SNX14: variants seen among roughly 807,000 people sequenced by gnomAD.
The protein encoded by SNX14 is sorting nexin-14.
A neutral mutation model predicts 133.8 loss-of-function variants in SNX14; 93 were observed. That is an observed-to-expected ratio of 0.70 (90% confidence interval 0.59 to 0.83). SNX14 has a LOEUF of 0.83. SNX14 is among the 40% of genes least tolerant of loss of function. The probability of loss-of-function intolerance (pLI) is 0.00; values close to 1 mark genes in which losing one functional copy is unlikely to be tolerated. For missense variants in SNX14, 945 were observed against 1,094.9 expected (o/e 0.86, Z 1.93); for synonymous variants, 368 against 365.6 (o/e 1.01, Z -0.07).
intron 8 of SNX14, 48 bp downstream of exon 8, chr6:85,549,675 A>C: frequency 6.6e-6 from 10 of 1,526,410 alleles, no homozygotes; most frequent in Non-Finnish European, 8.8e-6. Context: ...AGCAATATAC[A>C]TATGGCATGT....
chr6:85,529,131 A>G (rs1191332487), intron 19 of SNX14, among the ~76,000 whole-genome samples: 1 of 152,024 alleles, frequency 6.6e-6, no homozygotes, highest in Non-Finnish European at 1.5e-5. Context: ...GTGGTGGCAC[A>G]TGCCTATAAT....
In SNX14 at chr6:85,572,352, A is replaced by G. The variant is rs764962607; in HGVS notation, c.284T>C (p.Phe95Ser). Reference sequence around the variant, plus strand: ...AACAGCACAGCTATGACCTTGAGGAAATAATTCCTGAAGTCCTAACTGCTA... The same window carrying G: ...AACAGCACAGCTATGACCTTGAGGAGATAATTCCTGAAGTCCTAACTGCTA... ...KPKQLGLQEL[F>S]PQGHSCAVCG... Residue 95 changes from phenylalanine (F) to serine (S), a missense_variant, in exon 3 of 29, where the codon TTT (phenylalanine) becomes TCT (serine). Physicochemically the swap from Phe to Ser is radical, Grantham distance 155. Transcript: ENST00000314673. The G allele has an allele frequency of 6.2e-7, 1 of 1,613,366 alleles. No homozygotes were observed. Among genetic ancestry groups the G allele is most frequent in the Non-Finnish European group, 8.5e-7 (1 of 1,179,752 alleles).
chr6:85,562,582 C>CTTT (rs201175458), intron 6 of SNX14, among the ~76,000 whole-genome samples: 3,565 of 94,822 alleles, frequency 0.038, 75 homozygotes, highest in African/African-American at 0.052. Flanking sequence ...ACTTTTTGGG[C>CTTT]TTTTTTTTTT....
In SNX14 at chr6:85,513,866, G is replaced by A. The variant is rs777688653; in HGVS notation, c.2587C>T (p.Arg863Cys). ...CCTTTTTGCTTATCTTGGAGAGAGC[G>A]AGGTTCAGTGTTTTCACAGAATATA... ...DAIFCENTEP[R>C]SLQDKQKGAK... The change falls in exon 26 of 29, where the codon CGC (arginine) becomes TGC (cysteine). Residue 863 changes from arginine to cysteine, a missense_variant. Physicochemically the swap from Arg to Cys is radical, Grantham distance 180. Coordinates refer to ENST00000314673, the MANE Select transcript of SNX14 (RefSeq NM_153816.6). The A allele has an allele frequency of 5.0e-6, 8 of 1,612,532 alleles. No individual in the cohort carries two copies. Among genetic ancestry groups the A allele is most frequent in the Admixed American group, 3.3e-5 (2 of 59,916 alleles).
At chr6:85,556,448 G>A (rs563680413) in intron 7 of SNX14, among the ~76,000 whole-genome samples, 9 of 149,528 alleles carry the variant, frequency 6.0e-5, no homozygotes, top group African/African-American at 1.2e-4. Flanking sequence ...AAAGTTATGC[G>A]TACTCAAACT....
chr6:85,588,302 G>A (rs1230344922), intron 1 of SNX14, among the ~76,000 whole-genome samples: 3 of 151,702 alleles, frequency 2.0e-5, no homozygotes, highest in South Asian at 2.1e-4. Flanking sequence ...GGCCAGGCTC[G>A]GTGGCTCACG....
In SNX14 at chr6:85,572,380, A is replaced by G; in HGVS notation, c.262-6T>C. ...AATTCCTGAAGTCCTAACTGCTAAA[A>G]AAGGAAAATGAGAGGTGGTGGGGAG... On this transcript the variant is annotated splice_region_variant and splice_polypyrimidine_tract_variant and intron_variant, in intron 2 of 28. Transcript: ENST00000314673. 6.2e-7 allele frequency: 1 copy of G among 1,607,984 alleles called. No homozygotes were observed. The highest frequency in any genetic ancestry group is 8.5e-7 in the Non-Finnish European group (1 of 1,177,300).
chr6:85,510,261 T>C (rs1170984526), intron 26 of SNX14, among the ~76,000 whole-genome samples: 1 of 152,206 alleles, frequency 6.6e-6, no homozygotes, highest in African/African-American at 2.4e-5. Flanking sequence ...CCACCAGCAA[T>C]GAATGAGAAT....
intron 17 of SNX14, among the ~76,000 whole-genome samples, chr6:85,534,516 T>C (rs1328172868): frequency 6.6e-6 from 1 of 152,186 alleles, no homozygotes; most frequent in Non-Finnish European, 1.5e-5. Context: ...TATTAAACAT[T>C]AGTTTGCCTG....
At chr6:85,587,966 G>C (rs570656655) in intron 1 of SNX14, among the ~76,000 whole-genome samples, 2 of 152,036 alleles carry the variant, frequency 1.3e-5, no homozygotes, top group Non-Finnish European at 2.9e-5. Flanking sequence ...GGGGAGGAGC[G>C]GGGGGCAGGG....
At chr6:85,536,945 T>C (rs1283964653) in intron 16 of SNX14, 21 bp from the exon 17 acceptor site, 5 of 1,605,732 alleles carry the variant, frequency 3.1e-6, no homozygotes, top group Non-Finnish European at 4.2e-6. Flanking sequence ...AACAAAAATG[T>C]ATCAAGTACA....
At position 85,517,893 on chromosome 6, in the gene SNX14, T is replaced by G; in HGVS notation, c.2149-18A>C. On this transcript the variant is annotated intron_variant, in intron 22 of 28. Transcript: ENST00000314673. Reference sequence around the variant, plus strand: ...TGACCTTTCTGTGGTGATAGATTATTGTAAGAAAATAAAAAATAAAGGTAA... The same window carrying G: ...TGACCTTTCTGTGGTGATAGATTATGGTAAGAAAATAAAAAATAAAGGTAA... 1 of 1,580,980 alleles carries G rather than the reference T, an allele frequency of 6.3e-7. No homozygotes were observed. The highest frequency in any genetic ancestry group is 2.2e-5 in the East Asian group (1 of 44,520).
At chr6:85,518,990 TAAA>T (rs747538165) in intron 21 of SNX14, among the ~76,000 whole-genome samples, 1 of 152,228 alleles carries the variant, frequency 6.6e-6, no homozygotes, top group African/African-American at 2.4e-5. Context: ...CTGGATTCTA[TAAA>T]CTCAGTAAGT....
chr6:85,580,207 G>T (rs1183584091), intron 1 of SNX14, among the ~76,000 whole-genome samples: 1 of 152,116 alleles, frequency 6.6e-6, no homozygotes, highest in Non-Finnish European at 1.5e-5. Flanking sequence ...CCAGGCCCTA[G>T]CTCCCAGACA....
intron 7 of SNX14, among the ~76,000 whole-genome samples, chr6:85,550,788 C>G (rs990533108): frequency 2.8e-5 from 4 of 144,306 alleles, no homozygotes; most frequent in African/African-American, 1.0e-4. Context: ...CCTCAAAATT[C>G]TTTTTTTTTT....
intron 17 of SNX14, among the ~76,000 whole-genome samples, chr6:85,536,108 C>G (rs1781888570): frequency 6.6e-6 from 1 of 151,966 alleles, no homozygotes; most frequent in Non-Finnish European, 1.5e-5. Context: ...AATAGGGACA[C>G]AAAAGGAGGA....
chr6:85,553,330 C>T (rs1788462593), intron 7 of SNX14, among the ~76,000 whole-genome samples: 1 of 152,134 alleles, frequency 6.6e-6, no homozygotes, highest in Admixed American at 6.5e-5. Context: ...AGCTTTTCTC[C>T]ATTAGAATTT....
chr6:85,592,752 G>A (rs1212844461), intron 1 of SNX14, among the ~76,000 whole-genome samples: 1 of 151,894 alleles, frequency 6.6e-6, no homozygotes, highest in East Asian at 1.9e-4. Context: ...CACTTCGGGA[G>A]GCCGAGGCAG....
At chr6:85,514,686 T>A in intron 23 of SNX14, 57 bp from the exon 24 acceptor site, 1 of 1,540,906 alleles carries the variant, frequency 6.5e-7, no homozygotes. Flanking sequence ...CTGCTGACGA[T>A]AATCAATAAG....
Sources: gnomAD v4.1 joint callset for allele counts (sites outside exome capture counted in the v4.1 genomes callset) on GRCh38, gnomAD v4.1.1 for gene constraint, MANE v1.5 for transcripts, NCBI Gene and HGNC (gene_info 2026-07-23, HGNC 2026-07-21) for gene names.